Variants in LIPC observed in about 807,000 individuals in gnomAD.
The protein encoded by LIPC is lipase C, hepatic type.
A neutral mutation model predicts 50.7 loss-of-function variants in LIPC; 44 were observed. That is an observed-to-expected ratio of 0.87 (90% CI 0.68 to 1.11). The LOEUF is 1.11. Among genes scored for constraint, LIPC ranks in the 50% most tolerant of loss-of-function variants. The pLI is 0.00. For synonymous variants in LIPC, 271 were observed against 256.4 expected, an observed-to-expected ratio of 1.06 and a Z score of -0.54; for missense variants, 697 against 648.2, an observed-to-expected ratio of 1.08 and a Z score of -0.82.
intron 7 of LIPC, among the ~76,000 whole-genome samples, chr15:58,561,275 G>A (rs555973573): frequency 6.6e-6 from 1 of 152,314 alleles, no homozygotes; most frequent in East Asian, 1.9e-4. Flanking sequence ...CTTGTAAGAT[G>A]TACACTGGTT....
chr15:58,432,872 C>A (rs544561655), intron 1 of LIPC, among the ~76,000 whole-genome samples: 5 of 152,114 alleles, frequency 3.3e-5, no homozygotes, highest in Non-Finnish European at 5.9e-5. Context: ...GAGCTAGTAA[C>A]GCTAAGGTAG....
chr15:58,476,660 G>A (rs4774299), intron 1 of LIPC, among the ~76,000 whole-genome samples: 149,136 of 152,326 alleles, frequency 0.98, 73,093 homozygotes, highest in Middle Eastern at 1. Context: ...CAGAAAAAAC[G>A]TGAGGTGTGC....
At chr15:58,568,131 C>G (rs1251632380) in intron 8 of LIPC, among the ~76,000 whole-genome samples, 1 of 152,124 alleles carries the variant, frequency 6.6e-6, no homozygotes, top group Non-Finnish European at 1.5e-5. Context: ...AAGCCAACAG[C>G]CAAAGCAGTC....
intron 1 of LIPC, among the ~76,000 whole-genome samples, chr15:58,534,255 C>T (rs1893046501): frequency 1.3e-5 from 2 of 152,264 alleles, no homozygotes; most frequent in South Asian, 2.1e-4. Flanking sequence ...AAAGCTAAAA[C>T]TTGTAGGAAG....
intron 1 of LIPC, chr15:58,497,805 G>C (rs56350072): frequency 0.25 from 38,372 of 152,136 alleles, 5,423 homozygotes; most frequent in South Asian, 0.36. Flanking sequence ...ACCACCTTCA[G>C]GGTCCTCCCT....
At chr15:58,474,260 G>A (rs1229419099) in intron 1 of LIPC, among the ~76,000 whole-genome samples, 1 of 152,162 alleles carries the variant, frequency 6.6e-6, no homozygotes, top group African/African-American at 2.4e-5. Context: ...GCTCATGCCT[G>A]TAATCCCAAC....
At chr15:58,481,764 A>T (rs1202596012) in intron 1 of LIPC, among the ~76,000 whole-genome samples, 6 of 152,224 alleles carry the variant, frequency 3.9e-5, no homozygotes, top group African/African-American at 1.4e-4. Flanking sequence ...GGGCCACTGC[A>T]CTCCAGCCTG....
At chr15:58,467,005 T>C (rs1381032268) in intron 1 of LIPC, among the ~76,000 whole-genome samples, 5 of 152,254 alleles carry the variant, frequency 3.3e-5, no homozygotes, top group Non-Finnish European at 7.3e-5. Flanking sequence ...CATTTTTTTA[T>C]AGATTATACA....
chr15:58,513,526 A>T (rs1892396248), intron 1 of LIPC, among the ~76,000 whole-genome samples: 1 of 152,212 alleles, frequency 6.6e-6, no homozygotes, highest in African/African-American at 2.4e-5. Flanking sequence ...CCTGTTAGCC[A>T]AGCCAGCCCC....
chr15:58,568,869 T>A lies in LIPC; in HGVS notation c.*42T>A, dbSNP rs1160971669. ...AGTGTAAAGAATAAATGAATCTTAC[T>A]CCTTATCTGGAATGGCTGCCTTATT... On this transcript the variant is annotated 3_prime_UTR_variant, in exon 9 of 9. Transcript: ENST00000299022. 2 of 1,170,638 alleles carry A rather than the reference T, an allele frequency of 1.7e-6. No homozygotes were observed. The highest frequency in any genetic ancestry group is 2.7e-5 in the South Asian group (2 of 72,734). 72.5% of individuals were successfully genotyped at this position (1,170,638 alleles called of 1,614,324 possible). A position where few individuals can be genotyped will look rare whatever the true frequency, so the allele number is the denominator to read the frequency against.
chr15:58,506,567 G>C (rs1892154211), intron 1 of LIPC, among the ~76,000 whole-genome samples: 1 of 152,182 alleles, frequency 6.6e-6, no homozygotes. Context: ...CAAACCCAGA[G>C]CCCTAGCTTC....
At chr15:58,442,416 C>A (rs188239986) in intron 1 of LIPC, among the ~76,000 whole-genome samples, 1 of 152,326 alleles carries the variant, frequency 6.6e-6, no homozygotes, top group Admixed American at 6.5e-5. Context: ...ACAGCCCACG[C>A]AGTCAATGAC....
At chr15:58,515,055 C>A (rs953326283) in intron 1 of LIPC, among the ~76,000 whole-genome samples, 12 of 152,136 alleles carry the variant, frequency 7.9e-5, no homozygotes, top group African/African-American at 2.4e-4. Context: ...GCTTGTGGCT[C>A]CTTCCTATAT....
intron 1 of LIPC, among the ~76,000 whole-genome samples, chr15:58,496,489 G>C (rs1466087994): frequency 7.2e-5 from 11 of 152,130 alleles, no homozygotes; most frequent in Middle Eastern, 3.2e-3. Context: ...GGGAAGGAGA[G>C]AGGGAGAAAA....
At chr15:58,547,900 G>A (rs12913969) in intron 5 of LIPC, among the ~76,000 whole-genome samples, 22,416 of 152,022 alleles carry the variant, frequency 0.15, 1,914 homozygotes, top group South Asian at 0.27. Context: ...GGAGTCCCAC[G>A]CAAGCCTGTT....
At chr15:58,445,558 A>G (rs1195409699) in intron 1 of LIPC, among the ~76,000 whole-genome samples, 3 of 152,152 alleles carry the variant, frequency 2.0e-5, no homozygotes, top group Non-Finnish European at 4.4e-5. Context: ...GCTCCTCTTC[A>G]TGTCTGGGCT....
intron 1 of LIPC, 73 bp from the exon 2 acceptor site, chr15:58,538,260 G>A: frequency 1.4e-6 from 2 of 1,437,832 alleles, no homozygotes; most frequent in Non-Finnish European, 2.0e-6. Context: ...TGTAGAAGCA[G>A]CCTTTGAGAA....
Position 58,548,332 on chromosome 15 carries a change from A to G in LIPC, c.811A>G (p.Ile271Val). 1 of 1,614,052 alleles carries G rather than the reference A, an allele frequency of 6.2e-7. No homozygotes were observed. Among genetic ancestry groups the G allele is most frequent in the Non-Finnish European group, 8.5e-7 (1 of 1,180,016 alleles). The change falls in exon 6 of 9, where the codon ATC (isoleucine) becomes GTC (valine). Residue 271 changes from isoleucine to valine, a missense_variant and splice_region_variant. Physicochemically the swap from Ile to Val is conservative, Grantham distance 29. Transcript: ENST00000299022. ...RHIAQHGFNA[I>V]TQTIKCSHER... ...GTCCTTCTTGCCCTGTGTTCCAGCC[A>G]TCACCCAGACCATAAAATGCTCCCA... is the stretch of plus-strand genomic sequence containing the variant.
chr15:58,470,178 G>A (rs7162603), intron 1 of LIPC, among the ~76,000 whole-genome samples: 6 of 151,962 alleles, frequency 3.9e-5, no homozygotes, highest in South Asian at 2.1e-4. Context: ...ACAGTGCTTC[G>A]GGTTCAGCCT....
Sources: allele counts gnomAD v4.1 joint callset (sites outside exome capture counted in the v4.1 genomes callset), GRCh38; gene constraint gnomAD v4.1.1; transcripts MANE v1.5; gene names NCBI Gene and HGNC (gene_info 2026-07-23, HGNC 2026-07-21).